The following PHLDB1 variants were observed in gnomAD, a reference collection of about 807,000 sequenced individuals.
PHLDB1 encodes the protein pleckstrin homology-like domain family B member 1.
A neutral mutation model predicts 139.3 loss-of-function variants in PHLDB1; 65 were observed. That is an observed-to-expected ratio of 0.47 (90% confidence interval 0.38 to 0.57). The LOEUF (loss-of-function observed/expected upper bound fraction) is 0.57, where lower values mean the gene tolerates loss of function less well. Among genes scored for constraint, PHLDB1 ranks in the 20% least tolerant of loss-of-function variants. The pLI is 0.00. For synonymous variants in PHLDB1, 679 were observed against 734.5 expected (o/e 0.92, Z 1.22); for missense variants, 1,624 against 1,839.7 (o/e 0.88, Z 2.14).
rs141245340 is a variant in PHLDB1, at chr11:118,628,118, G to A, written c.1295G>A (p.Gly432Glu). 116 of 1,614,006 alleles carry A rather than the reference G, an allele frequency of 7.2e-5. No individual in the cohort carries two copies. The Middle Eastern group carries it at 9.9e-4, about 14-fold the overall frequency. The part of the protein sequence containing the change: ...RQLVGRTFSD[G>E]LATRTLQPPE... Reference sequence around the variant, plus strand: ...CTGGTGGGCCGAACATTTTCAGATGGGTTAGCCACCCGTACCCTGCAGCCT... The same window carrying A: ...CTGGTGGGCCGAACATTTTCAGATGAGTTAGCCACCCGTACCCTGCAGCCT... Residue 432 changes from glycine to glutamate, a missense_variant, in exon 6 of 23, where the codon GGG becomes GAG. Physicochemically the swap from Gly to Glu is moderately conservative, Grantham distance 98. Coordinates refer to ENST00000600882, the MANE Select transcript of PHLDB1 (RefSeq NM_001144758.3).
In PHLDB1 at chr11:118,656,610, A is replaced by G. The variant is rs748116161; in HGVS notation, c.3994-73A>G. 7 of 1,471,522 alleles carry G rather than the reference A, an allele frequency of 4.8e-6. No individual in the cohort carries two copies. In the South Asian group the frequency reaches 8.6e-5, roughly 18 times the overall value. The allele number at this position is 1,471,522 out of a possible 1,614,324, so 91.2% of individuals were successfully genotyped here. On this transcript the variant is annotated intron_variant, in intron 22 of 22. Coordinates refer to ENST00000600882, the MANE Select transcript of PHLDB1 (RefSeq NM_001144758.3). ...TAGGGGCTGGGAGGGGAAAGGGCAG[A>G]TAGGGAGGCAGGTGAGAATATTCCT... is the stretch of plus-strand genomic sequence containing the variant.
chr11:118,635,197 T>C, intron 9 of PHLDB1, 196 bp from the exon 10 acceptor site: 1 of 644,832 alleles, frequency 1.6e-6, no homozygotes, highest in Middle Eastern at 3.4e-4. Context: ...ACCGGGAAGG[T>C]TGGGGAATCA....
At chr11:118,623,874 T>TTGTGTGTGTGTGTG (rs3222268) in intron 4 of PHLDB1, among the ~76,000 whole-genome samples, 4 of 141,288 alleles carry the variant, frequency 2.8e-5, no homozygotes, top group African/African-American at 1.1e-4. Context: ...CTCTGAACAT[T>TTGTGTGTGTGTGTG]TGTGTGTGTG....
chr11:118,639,643 G>T, intron 12 of PHLDB1: 1 of 249,062 alleles, frequency 4.0e-6, no homozygotes, highest in Non-Finnish European at 7.8e-6. Flanking sequence ...TCCTGAGTTA[G>T]GCATTTGTCT....
chr11:118,624,919 T>G lies in PHLDB1; in HGVS notation c.356-15T>G. 1 of 1,613,934 alleles carries G rather than the reference T, an allele frequency of 6.2e-7. No individual in the cohort carries two copies. Among genetic ancestry groups the G allele is most frequent in the Non-Finnish European group, 8.5e-7 (1 of 1,179,872 alleles). On this transcript the variant is annotated splice_polypyrimidine_tract_variant and intron_variant, in intron 4 of 22. Coordinates refer to ENST00000600882, the MANE Select transcript of PHLDB1 (RefSeq NM_001144758.3). ...GCCACCACACCTGGTCTTCAAGTGTTTGCTTTCTCTGCAGGCTGCATGTTG... is the reference window on the plus strand; with the variant it reads ...GCCACCACACCTGGTCTTCAAGTGTGTGCTTTCTCTGCAGGCTGCATGTTG...
chr11:118,621,284 A>C (rs1942722187), intron 4 of PHLDB1: 2 of 146,156 alleles, frequency 1.4e-5, no homozygotes, highest in Admixed American at 6.7e-5. Context: ...CCAGCTCTCC[A>C]CTCGTCTCCT....
In PHLDB1 at chr11:118,610,207, C is replaced by T. The variant is rs886916212; in HGVS notation, c.-22+2508C>T. Among the ~76,000 whole-genome samples, 1 of 151,984 alleles carries T rather than the reference C, an allele frequency of 6.6e-6. No individual in the cohort carries two copies. The highest frequency in any genetic ancestry group is 1.5e-5 in the Non-Finnish European group (1 of 67,972). On this transcript the variant is annotated intron_variant, in intron 1 of 22. Transcript: ENST00000600882. The surrounding 1 kb of genome is among the most constrained non-coding windows in gnomAD (Gnocchi z 8.7). ...CATTTTTTCCCATCTCTTAGTCTGCCTTTCATTTTCCCCTTCACATCCCGG... is the reference window on the plus strand; with the variant it reads ...CATTTTTTCCCATCTCTTAGTCTGCTTTTCATTTTCCCCTTCACATCCCGG...
At chr11:118,649,830 G>A (rs905784247) in intron 18 of PHLDB1, among the ~76,000 whole-genome samples, 2 of 152,214 alleles carry the variant, frequency 1.3e-5, no homozygotes, top group East Asian at 1.9e-4. Flanking sequence ...AAGATGCCGT[G>A]TCTTGGTCAT....
chr11:118,650,217 G>T lies in PHLDB1; in HGVS notation c.3771+24G>T. 6.4e-7 allele frequency: 1 copy of T among 1,558,328 alleles called. No homozygotes were observed. Among genetic ancestry groups the T allele is most frequent in the Non-Finnish European group, 8.9e-7 (1 of 1,129,112 alleles). On this transcript the variant is annotated intron_variant, in intron 19 of 22. Coordinates refer to ENST00000600882, the MANE Select transcript of PHLDB1 (RefSeq NM_001144758.3). This position sits in a 1 kb window ranked among gnomAD's most constrained non-coding sequence, Gnocchi z 4.7. The stretch of plus-strand genomic sequence containing the variant: ...AGGTACAAGGCGTGTGTGGCCCTGG[G>T]GTGCTGGGGAGAGGGAGAATCCCGT...
chr11:118,650,355 T>TC lies in PHLDB1; in HGVS notation c.3772-85dup. 9.7e-7 allele frequency: 1 copy of TC among 1,031,196 alleles called. No individual in the cohort carries two copies. The highest frequency in any genetic ancestry group is 1.3e-5 in the South Asian group (1 of 78,648). 63.9% of individuals were successfully genotyped at this position (1,031,196 alleles called of 1,614,324 possible). A position where few individuals can be genotyped will look rare whatever the true frequency, so the allele number is the denominator to read the frequency against. On this transcript the variant is annotated intron_variant, in intron 19 of 22. Transcript: ENST00000600882. This position sits in a 1 kb window ranked among gnomAD's most constrained non-coding sequence, Gnocchi z 4.7. Reference sequence around the variant, plus strand: ...TGGCCTGAGGAGATGTTGGGGACAATCCCCCATGAATACAGGCACAGGCGA... The same window carrying TC: ...TGGCCTGAGGAGATGTTGGGGACAATCCCCCCATGAATACAGGCACAGGCGA...
At chr11:118,638,804 A>AGT (rs1485303070) in intron 10 of PHLDB1, 87 bp from the exon 11 acceptor site, 1 of 961,150 alleles carries the variant, frequency 1.0e-6, no homozygotes, top group Admixed American at 2.8e-5. Context: ...CTGAGCCTTG[A>AGT]GTGTCTGGGC....
Position 118,628,134 on chromosome 11 carries a change from C to T in PHLDB1, c.1311C>T (p.Thr437=). 1.2e-6 allele frequency: 2 copies of T among 1,614,082 alleles called. No individual in the cohort carries two copies. The highest frequency in any genetic ancestry group is 1.7e-6 in the Non-Finnish European group (2 of 1,180,006). The change falls in exon 6 of 23, where the codon ACC becomes ACT. Residue 437 remains threonine (T), a synonymous_variant. Transcript: ENST00000600882. The part of the protein sequence containing the change: ...RTFSDGLATR[T]LQPPESPRLG... Reference sequence around the variant, plus strand: ...TTTCAGATGGGTTAGCCACCCGTACCCTGCAGCCTCCTGAGAGTCCCCGCC... The same window carrying T: ...TTTCAGATGGGTTAGCCACCCGTACTCTGCAGCCTCCTGAGAGTCCCCGCC...
Position 118,620,278 on chromosome 11 carries a change from AGGT to A in PHLDB1, c.355+4068_355+4070del, listed in dbSNP as rs1942506318. Among the ~76,000 whole-genome samples the A allele has an allele frequency of 6.6e-6, 1 of 152,212 alleles. No individual in the cohort carries two copies. Among genetic ancestry groups the A allele is most frequent in the African/African-American group, 2.4e-5 (1 of 41,456 alleles). ...GAGGCCGAGGCGGGCAGATCACCTG[AGGT>A]CGGGAGTTCGAGACCAGCCTGACCA... On this transcript the variant is annotated intron_variant, in intron 4 of 22. Transcript: ENST00000600882. This position sits in a 1 kb window ranked among gnomAD's most constrained non-coding sequence, Gnocchi z 4.1.
At chr11:118,648,750 G>A (rs1162694330) in intron 18 of PHLDB1, among the ~76,000 whole-genome samples, 1 of 152,188 alleles carries the variant, frequency 6.6e-6, no homozygotes, top group African/African-American at 2.4e-5. Flanking sequence ...GAAAGCAGAA[G>A]GAGAAATTGG....
chr11:118,626,489 T>A (rs1344373700), intron 5 of PHLDB1, among the ~76,000 whole-genome samples: 1 of 152,102 alleles, frequency 6.6e-6, no homozygotes, highest in East Asian at 1.9e-4. Flanking sequence ...GTTCAAGTGA[T>A]TTTCCTGCCT....
intron 20 of PHLDB1, chr11:118,651,755 C>G (rs1349472491): frequency 1.3e-5 from 2 of 150,028 alleles, no homozygotes; most frequent in African/African-American, 4.9e-5. Flanking sequence ...CCACTGCACT[C>G]TAGCCTGGCG....
At chr11:118,615,981 C>T (rs782647815) in intron 3 of PHLDB1, 60 bp from the exon 4 acceptor site, 5 of 1,421,036 alleles carry the variant, frequency 3.5e-6, no homozygotes, top group Non-Finnish European at 4.9e-6. Context: ...CCCTCCTTGC[C>T]CTGTCACTGC....
chr11:118,627,219 A>T, intron 5 of PHLDB1, 86 bp from the exon 6 acceptor site: 1 of 1,329,780 alleles, frequency 7.5e-7, no homozygotes, highest in Non-Finnish European at 1.1e-6. Flanking sequence ...TGTTAGCCTC[A>T]CTGTGCTAGG....
chr11:118,650,814 G>A lies in PHLDB1; in HGVS notation c.3874+267G>A, dbSNP rs1054750427. On this transcript the variant is annotated intron_variant, in intron 20 of 22. Transcript: ENST00000600882. The surrounding 1 kb of genome is among the most constrained non-coding windows in gnomAD (Gnocchi z 4.7). ...TCTAGGCTCTGGTGATGAGTAAGAT[G>A]GCCACAGCGCTCTCATGGAGCTTAT... 1 of 495,354 alleles carries A rather than the reference G, an allele frequency of 2.0e-6. No individual in the cohort carries two copies. The highest frequency in any genetic ancestry group is 3.7e-6 in the Non-Finnish European group (1 of 273,780). The allele number at this position is 495,354 out of a possible 1,614,324, so 30.7% of individuals were successfully genotyped here.
Sources: allele counts gnomAD v4.1 joint callset (sites outside exome capture counted in the v4.1 genomes callset), GRCh38; gene constraint gnomAD v4.1.1; non-coding constraint Gnocchi (gnomAD v3.1); transcripts MANE v1.5; gene names NCBI Gene and HGNC (gene_info 2026-07-23, HGNC 2026-07-21).